Variants in PCDHGA4 observed in about 807,000 individuals in gnomAD.
The protein encoded by PCDHGA4 is protocadherin gamma subfamily A, 4.
PCDHGA4 carries 38 observed loss-of-function variants against 54.6 expected under a neutral mutation model. The ratio of observed to expected loss-of-function variants is 0.70; its 90% CI spans 0.54 to 0.91. PCDHGA4 has a LOEUF of 0.91. Ranked by LOEUF, PCDHGA4 falls within the 40% of genes least tolerant of loss-of-function variation. The pLI, the probability that PCDHGA4 is intolerant of heterozygous loss-of-function variation, is 0.00. For missense variants in PCDHGA4, 1,298 were observed against 1,220.9 expected (o/e 1.06, Z -0.94); for synonymous variants, 511 against 512.9 (o/e 1.00, Z 0.05).
At chr5:141,365,296 G>T in intron 1 of PCDHGA4, 1 of 1,614,002 alleles carries the variant, frequency 6.2e-7, no homozygotes, top group Non-Finnish European at 8.5e-7. Flanking sequence ...TGGTAGCTCA[G>T]GATGGAGGCG....
chr5:141,408,865 A>T (rs765751172), intron 1 of PCDHGA4: 9 of 1,613,684 alleles, frequency 5.6e-6, no homozygotes, highest in Admixed American at 1.7e-5. Flanking sequence ...GGGACCCACC[A>T]AGAAGTGCCA....
At position 141,476,689 on chromosome 5, in the gene PCDHGA4, C is replaced by A; in HGVS notation, c.2515-18118C>A. Reference sequence around the variant, plus strand: ...GCGTGCAGACGCGGGAGGACAGCACCAAGTACGCGGAGCTGGTGTTGGAGC... The same window carrying A: ...GCGTGCAGACGCGGGAGGACAGCACAAAGTACGCGGAGCTGGTGTTGGAGC... On this transcript the variant is annotated intron_variant, in intron 1 of 3. Transcript: ENST00000571252. The surrounding 1 kb of genome is among the most constrained non-coding windows in gnomAD (Gnocchi z 7.6). The A allele has an allele frequency of 1.9e-6, 3 of 1,614,226 alleles. No homozygotes were observed. Among genetic ancestry groups the A allele is most frequent in the Non-Finnish European group, 2.5e-6 (3 of 1,180,046 alleles).
intron 1 of PCDHGA4, chr5:141,426,347 T>C (rs977411941): frequency 5.2e-6 from 1 of 193,980 alleles, no homozygotes; most frequent in African/African-American, 2.3e-5. Context: ...TTCCCTTTCC[T>C]GCTGCCTTTG....
At chr5:141,392,746 G>T in intron 1 of PCDHGA4, 1 of 1,443,974 alleles carries the variant, frequency 6.9e-7, no homozygotes, top group South Asian at 1.5e-5. Flanking sequence ...CATAGCTGCG[G>T]CAAGAAACTA....
At chr5:141,372,540 C>T (rs1208837944) in intron 1 of PCDHGA4, 2 of 1,614,012 alleles carry the variant, frequency 1.2e-6, no homozygotes, top group Non-Finnish European at 1.7e-6. Flanking sequence ...CCTGCGCCTG[C>T]GATGCTCCTC....
At chr5:141,438,591 C>CATATATATAT (rs946798767) in intron 1 of PCDHGA4, among the ~76,000 whole-genome samples, 17 of 75,552 alleles carry the variant, frequency 2.3e-4, no homozygotes, top group Non-Finnish European at 3.8e-4. Context: ...TACATACATA[C>CATATATATAT]ATATATATAT....
Position 141,415,335 on chromosome 5 carries a change from G to T in PCDHGA4, c.2514+57714G>T, listed in dbSNP as rs779617513. On this transcript the variant is annotated intron_variant, in intron 1 of 3. Coordinates refer to ENST00000571252, the MANE Select transcript of PCDHGA4 (RefSeq NM_018917.4). ...TCATCGTGCTGCTGGCGCACAGGCT[G>T]CGGCGCTGGCACAAGTCACGCCTGC... The T allele has an allele frequency of 4.3e-6, 7 of 1,614,110 alleles. No homozygotes were observed. The Admixed American group carries it at 1.2e-4, about 27-fold the overall frequency.
At chr5:141,404,041 A>G in intron 1 of PCDHGA4, 1 of 1,613,936 alleles carries the variant, frequency 6.2e-7, no homozygotes, top group Non-Finnish European at 8.5e-7. Context: ...CACCTCAGGG[A>G]ACAGTAATTC....
intron 1 of PCDHGA4, chr5:141,423,967 A>T (rs760284844): frequency 5.2e-6 from 6 of 1,153,616 alleles, no homozygotes; most frequent in Non-Finnish European, 6.5e-6. Context: ...TTTTTCTATT[A>T]TCAGTGTATG....
rs777111805 is a variant in PCDHGA4, at chr5:141,395,298, GT to G, written c.2514+37681del. On this transcript the variant is annotated intron_variant, in intron 1 of 3. Coordinates refer to ENST00000571252, the MANE Select transcript of PCDHGA4 (RefSeq NM_018917.4). ...ATGAATTTTATTTGGCATAAATTAT[GT>G]TTTGAAAAACATTGTGAAGATAGTT... 6 of 1,522,174 alleles carry G rather than the reference GT, an allele frequency of 3.9e-6. No homozygotes were observed. The East Asian group carries it at 9.1e-5, about 23-fold the overall frequency. The allele number at this position is 1,522,174 out of a possible 1,614,324, so 94.3% of individuals were successfully genotyped here.
At chr5:141,371,049 G>T in intron 1 of PCDHGA4, 1 of 1,613,942 alleles carries the variant, frequency 6.2e-7, no homozygotes, top group Non-Finnish European at 8.5e-7. Flanking sequence ...GGATGGGGGC[G>T]AGCCCTCCAG....
At chr5:141,427,898 C>T in intron 1 of PCDHGA4, 4 of 1,570,874 alleles carry the variant, frequency 2.5e-6, no homozygotes, top group African/African-American at 1.3e-5. Flanking sequence ...AGGGCTCGCC[C>T]GCGCTCAGCG....
intron 1 of PCDHGA4, chr5:141,382,993 C>A (rs762865747): frequency 6.2e-7 from 1 of 1,613,660 alleles, no homozygotes; most frequent in South Asian, 1.1e-5. Context: ...AGGACGTATT[C>A]TCTACTCCGT....
At chr5:141,373,821 G>C (rs1268202879) in intron 1 of PCDHGA4, 1 of 364,140 alleles carries the variant, frequency 2.7e-6, no homozygotes, top group African/African-American at 2.1e-5. Flanking sequence ...TTCACAAAAC[G>C]ATGCAGTATT....
chr5:141,362,163 C>A, intron 1 of PCDHGA4: 1 of 1,614,056 alleles, frequency 6.2e-7, no homozygotes, highest in East Asian at 2.2e-5. Flanking sequence ...CAGACCTCAG[C>A]GACCGCCGGG....
chr5:141,388,663 C>A (rs770660956), intron 1 of PCDHGA4: 1 of 1,613,928 alleles, frequency 6.2e-7, no homozygotes, highest in Non-Finnish European at 8.5e-7. Context: ...CCGGGGACCA[C>A]GGTGCTACAG....
chr5:141,492,880 T>C (rs1204475362), intron 1 of PCDHGA4, among the ~76,000 whole-genome samples: 2 of 152,184 alleles, frequency 1.3e-5, no homozygotes, highest in African/African-American at 4.8e-5. Context: ...CCCCCAGAGA[T>C]ACAGGCTTTT....
chr5:141,364,220 C>A, intron 1 of PCDHGA4: 2 of 1,327,422 alleles, frequency 1.5e-6, no homozygotes, highest in South Asian at 3.3e-5. Context: ...CTACGAAAAG[C>A]CAACGCTCCA....
At chr5:141,387,435 A>G (rs988959651) in intron 1 of PCDHGA4, among the ~76,000 whole-genome samples, 1 of 152,240 alleles carries the variant, frequency 6.6e-6, no homozygotes, top group African/African-American at 2.4e-5. Flanking sequence ...ATGTTTATGT[A>G]CTTAATCTAC....
Sources: allele counts gnomAD v4.1 joint callset (sites outside exome capture counted in the v4.1 genomes callset), GRCh38; gene constraint gnomAD v4.1.1; non-coding constraint Gnocchi (gnomAD v3.1); transcripts MANE v1.5; gene names NCBI Gene and HGNC (gene_info 2026-07-23, HGNC 2026-07-21).